INPP4A: variants seen among roughly 807,000 people sequenced by gnomAD.
INPP4A encodes inositol polyphosphate-4-phosphatase type I A, also known as inositol polyphosphate-4-phosphatase, type I, 107kD.
Under a neutral mutation model 119.8 loss-of-function variants are expected in INPP4A, and 33 were observed. The observed-to-expected ratio is 0.28, with a 90% CI of 0.21 to 0.37. The LOEUF (loss-of-function observed/expected upper bound fraction) is 0.37. INPP4A is among the 10% of genes least tolerant of loss of function. The pLI is 1.00. For missense variants in INPP4A, 956 were observed against 1,289.9 expected (o/e 0.74, Z 3.97); for synonymous variants, 496 against 500.7 (o/e 0.99, Z 0.12).
chr2:98,539,614 G>A lies in INPP4A; in HGVS notation c.757G>A (p.Val253Met), dbSNP rs966111733. 36 of 1,611,758 alleles carry A rather than the reference G, an allele frequency of 2.2e-5. No homozygotes were observed. Among genetic ancestry groups the A allele is most frequent in the Non-Finnish European group, 2.9e-5 (34 of 1,178,974 alleles). The change falls in exon 10 of 25, where the codon GTG becomes ATG. Residue 253 changes from valine (V) to methionine (M), a missense_variant. Physicochemically the swap from Val to Met is conservative, Grantham distance 21. Coordinates refer to ENST00000409851, the MANE Select transcript of INPP4A (RefSeq NM_001134225.2). ...GATCCTGGAGCAGATGGCAGAGAGC[G>A]TGCTCTCCCTGCACGTGCCCCGGCA... is the stretch of plus-strand genomic sequence containing the variant. ...LRILEQMAES[V>M]LSLHVPRQFV...
At chr2:98,497,153 C>G (rs1574748079) in intron 1 of INPP4A, among the ~76,000 whole-genome samples, 1 of 152,232 alleles carries the variant, frequency 6.6e-6, no homozygotes, top group Admixed American at 6.5e-5. Flanking sequence ...TCAGAGGGTG[C>G]AAGCCTCAAC....
In INPP4A at chr2:98,590,131, T is replaced by C. The variant is rs530989498; in HGVS notation, c.*2523T>C. ...ATGTGCTAGTCTTTAGAATGACACATAATAAATAACTGACAAGATATTAAA... is the reference window on the plus strand; with the variant it reads ...ATGTGCTAGTCTTTAGAATGACACACAATAAATAACTGACAAGATATTAAA... On this transcript the variant is annotated 3_prime_UTR_variant, in exon 25 of 25. Transcript: ENST00000409851. 1 of 197,260 alleles carries C rather than the reference T, an allele frequency of 5.1e-6. No homozygotes were observed. The highest frequency in any genetic ancestry group is 2.3e-5 in the African/African-American group (1 of 43,440). The allele number at this position is 197,260 out of a possible 1,614,324, so 12.2% of individuals were successfully genotyped here.
At chr2:98,562,293 C>G (rs1401165991) in intron 17 of INPP4A, among the ~76,000 whole-genome samples, 1 of 152,208 alleles carries the variant, frequency 6.6e-6, no homozygotes, top group Non-Finnish European at 1.5e-5. Context: ...TTGCATTAAC[C>G]AAACACTGAG....
intron 10 of INPP4A, 76 bp from the exon 11 acceptor site, chr2:98,543,801 T>C: frequency 1.3e-6 from 2 of 1,570,022 alleles, no homozygotes; most frequent in Non-Finnish European, 1.7e-6. Flanking sequence ...AATGCTGTTG[T>C]CCTGGGTAGA....
chr2:98,519,787 A>C, intron 2 of INPP4A, 159 bp from the exon 3 acceptor site: 1 of 460,680 alleles, frequency 2.2e-6, no homozygotes, highest in Non-Finnish European at 3.9e-6. Context: ...AAGTGACCAG[A>C]AGGGGCAGGG....
At chr2:98,574,546 G>A (rs952322549) in intron 23 of INPP4A, among the ~76,000 whole-genome samples, 3 of 151,806 alleles carry the variant, frequency 2.0e-5, no homozygotes, top group African/African-American at 7.3e-5. Context: ...GCTGAGGTAG[G>A]AGAATTGCTT....
At chr2:98,447,656 T>G (rs541883028) in intron 1 of INPP4A, among the ~76,000 whole-genome samples, 2 of 152,328 alleles carry the variant, frequency 1.3e-5, no homozygotes, top group South Asian at 4.1e-4. Flanking sequence ...TACACTGCTT[T>G]ATCATTCTCT....
At chr2:98,445,346 G>T (rs1243976841) in intron 1 of INPP4A, among the ~76,000 whole-genome samples, 1 of 152,204 alleles carries the variant, frequency 6.6e-6, no homozygotes, top group Non-Finnish European at 1.5e-5. Flanking sequence ...CCGAGCGGGC[G>T]CGTGGCCGCG....
At chr2:98,565,575 C>T in intron 19 of INPP4A, 65 bp from the exon 20 acceptor site, 2 of 1,532,036 alleles carry the variant, frequency 1.3e-6, no homozygotes, top group Middle Eastern at 1.9e-4. Flanking sequence ...TGGCTGCCTT[C>T]TGCTGAGACT....
At chr2:98,581,725 C>T in intron 24 of INPP4A, 1 of 1,611,772 alleles carries the variant, frequency 6.2e-7, no homozygotes, top group Non-Finnish European at 8.5e-7. Context: ...CTGAGCATAG[C>T]ATACCTGGTG....
chr2:98,551,279 AT>A (rs759742250), intron 13 of INPP4A, among the ~76,000 whole-genome samples: 1 of 152,118 alleles, frequency 6.6e-6, no homozygotes, highest in Non-Finnish European at 1.5e-5. Context: ...CTATTTTGAG[AT>A]TGTCTTTTTA....
intron 17 of INPP4A, among the ~76,000 whole-genome samples, chr2:98,561,472 C>G (rs1695460319): frequency 6.6e-6 from 1 of 152,234 alleles, no homozygotes; most frequent in Admixed American, 6.5e-5. Flanking sequence ...GAGTCCTTCT[C>G]TGGGCAGATA....
intron 1 of INPP4A, among the ~76,000 whole-genome samples, chr2:98,470,422 C>T (rs1432507972): frequency 6.6e-6 from 1 of 152,228 alleles, no homozygotes; most frequent in African/African-American, 2.4e-5. Context: ...GTCCTTGCTC[C>T]TTAGTGGTCT....
chr2:98,509,027 C>G (rs1462498178), intron 1 of INPP4A, among the ~76,000 whole-genome samples: 1 of 152,218 alleles, frequency 6.6e-6, no homozygotes, highest in Admixed American at 6.5e-5. Context: ...GACAGAGTAG[C>G]AAGCCAGCCC....
intron 1 of INPP4A, among the ~76,000 whole-genome samples, chr2:98,503,048 T>A (rs1353257585): frequency 6.6e-6 from 1 of 152,164 alleles, no homozygotes; most frequent in African/African-American, 2.4e-5. Flanking sequence ...AGTTGCCCTT[T>A]ATGTGTTGGT....
At chr2:98,574,528 C>T (rs1179629837) in intron 23 of INPP4A, among the ~76,000 whole-genome samples, 2 of 151,888 alleles carry the variant, frequency 1.3e-5, no homozygotes, top group Non-Finnish European at 2.9e-5. Flanking sequence ...ATCCCAGCTA[C>T]TCGGGCGGCT....
chr2:98,451,646 G>A (rs1033996399), intron 1 of INPP4A, among the ~76,000 whole-genome samples: 2 of 152,138 alleles, frequency 1.3e-5, no homozygotes, highest in Admixed American at 6.5e-5. Flanking sequence ...CACGCAGGTG[G>A]TGTCAGCTGC....
chr2:98,593,030 T>C lies in INPP4A; in HGVS notation c.*5422T>C, dbSNP rs1470286361. 6.6e-6 allele frequency: 1 copy of C among 152,058 alleles called. No individual in the cohort carries two copies. The highest frequency in any genetic ancestry group is 1.5e-5 in the Non-Finnish European group (1 of 68,064). 9.4% of individuals were successfully genotyped at this position (152,058 alleles called of 1,614,324 possible). A position where few individuals can be genotyped will look rare whatever the true frequency, so the allele number is the denominator to read the frequency against. ...GTGCCAACAGTAGGCAAACGGAGAG[T>C]AGCTTGGTCTTGTTTTTATTAGCTG... On this transcript the variant is annotated 3_prime_UTR_variant, in exon 25 of 25. Transcript: ENST00000409851.
At chr2:98,465,854 C>A (rs75494740) in intron 1 of INPP4A, among the ~76,000 whole-genome samples, 1 of 152,084 alleles carries the variant, frequency 6.6e-6, no homozygotes, top group African/African-American at 2.4e-5. Context: ...CTGGTTTCGG[C>A]GCAGTACTTG....
Sources: allele counts gnomAD v4.1 joint callset (sites outside exome capture counted in the v4.1 genomes callset), GRCh38; gene constraint gnomAD v4.1.1; transcripts MANE v1.5; gene names NCBI Gene and HGNC (gene_info 2026-07-23, HGNC 2026-07-21).